Variants in SMG6 observed in about 807,000 individuals in gnomAD.
SMG6 encodes the protein SMG6 nonsense mediated mRNA decay factor.
A neutral mutation model predicts 142.2 loss-of-function variants in SMG6; 66 were observed. That is an observed-to-expected ratio of 0.46 (90% CI 0.38 to 0.57). The LOEUF is 0.57. Ranked by LOEUF, SMG6 falls within the 20% of genes least tolerant of loss-of-function variation. The pLI is 0.00. For synonymous variants in SMG6, 779 were observed against 702.4 expected (o/e 1.11, Z -1.72); for missense variants, 1,793 against 1,832.0 (o/e 0.98, Z 0.39).
chr17:2,111,826 C>T (rs2069330522), intron 13 of SMG6, among the ~76,000 whole-genome samples: 1 of 152,150 alleles, frequency 6.6e-6, no homozygotes, highest in Non-Finnish European at 1.5e-5. Context: ...CCAGCTCAGC[C>T]TGGTGAGAGG....
intron 13 of SMG6, among the ~76,000 whole-genome samples, chr17:2,124,901 G>C (rs1199016602): frequency 2.6e-5 from 4 of 152,204 alleles, no homozygotes; most frequent in Non-Finnish European, 5.9e-5. Context: ...GCACAACCAT[G>C]ATTGGCACCG....
chr17:2,253,028 A>C (rs1008137040), intron 8 of SMG6, among the ~76,000 whole-genome samples: 14 of 152,258 alleles, frequency 9.2e-5, no homozygotes, highest in African/African-American at 3.4e-4. Context: ...TCATTTGTTT[A>C]CATATTGTCA....
intron 6 of SMG6, among the ~76,000 whole-genome samples, chr17:2,287,868 C>T (rs1356500119): frequency 1.3e-5 from 2 of 152,102 alleles, no homozygotes; most frequent in Non-Finnish European, 2.9e-5. Context: ...TGACAGAAAG[C>T]AGAAGGTTAG....
chr17:2,206,226 A>G (rs1316764966), intron 10 of SMG6, among the ~76,000 whole-genome samples: 1 of 152,150 alleles, frequency 6.6e-6, no homozygotes, highest in East Asian at 1.9e-4. Context: ...ATAAAATTCT[A>G]AAAATATTTT....
At chr17:2,144,160 GTGATTCTCCTGCC>G (rs2070586098) in intron 13 of SMG6, among the ~76,000 whole-genome samples, 1 of 147,004 alleles carries the variant, frequency 6.8e-6, no homozygotes, top group South Asian at 2.2e-4. Flanking sequence ...CCGGGTTCAA[GTGATTCTCCTGCC>G]TCAGGCTCCA....
At chr17:2,276,322 C>G (rs939336785) in intron 8 of SMG6, among the ~76,000 whole-genome samples, 1 of 152,154 alleles carries the variant, frequency 6.6e-6, no homozygotes, top group Non-Finnish European at 1.5e-5. Flanking sequence ...TCTACAGCTA[C>G]CCCAGTTCAC....
At chr17:2,275,699 A>G (rs2074633750) in intron 8 of SMG6, among the ~76,000 whole-genome samples, 1 of 152,210 alleles carries the variant, frequency 6.6e-6, no homozygotes, top group Non-Finnish European at 1.5e-5. Context: ...AAGGGAGACG[A>G]AGAACAGCAG....
intron 13 of SMG6, among the ~76,000 whole-genome samples, chr17:2,097,427 C>T (rs921451886): frequency 2.0e-5 from 3 of 152,154 alleles, no homozygotes; most frequent in African/African-American, 4.8e-5. Flanking sequence ...TGAGTCACCA[C>T]GTCCAGCCAA....
At position 2,299,987 on chromosome 17, in the gene SMG6, T is replaced by TGCGGTA. The variant is rs780215117; in HGVS notation, c.760_765dup (p.Tyr254_Arg255dup). 2.5e-6 allele frequency: 4 copies of TGCGGTA among 1,613,988 alleles called. No individual in the cohort carries two copies. Among genetic ancestry groups the TGCGGTA allele is most frequent in the Admixed American group, 1.7e-5 (1 of 60,002 alleles). ...CTGCCAGCTGAGCTGGTGCTGCGCG[T>TGCGGTA]GCGGTAGCGATTCCTTCGTTTGTCT... is the stretch of plus-strand genomic sequence containing the variant. On this transcript the variant is annotated inframe_insertion, in exon 2 of 19. Transcript: ENST00000263073. The surrounding 1 kb of genome is among the most constrained non-coding windows in gnomAD (Gnocchi z 4.3).
chr17:2,272,693 C>A (rs909483412), intron 8 of SMG6, among the ~76,000 whole-genome samples: 3 of 151,872 alleles, frequency 2.0e-5, no homozygotes, highest in Non-Finnish European at 2.9e-5. Flanking sequence ...AATCCCAGAA[C>A]TTTGGGAGGC....
At chr17:2,207,050 T>C (rs1162424345) in intron 10 of SMG6, among the ~76,000 whole-genome samples, 10 of 144,026 alleles carry the variant, frequency 6.9e-5, no homozygotes, top group African/African-American at 2.6e-4. Flanking sequence ...GGCAGGCAGA[T>C]CACTTGAGGC....
intron 6 of SMG6, among the ~76,000 whole-genome samples, chr17:2,289,785 C>T (rs1373463331): frequency 2.6e-5 from 4 of 151,622 alleles, no homozygotes; most frequent in Admixed American, 6.6e-5. Flanking sequence ...TGGTGGTGTG[C>T]ACCTGTAATC....
At chr17:2,212,465 G>A (rs1567687278) in intron 10 of SMG6, 1 of 152,150 alleles carries the variant, frequency 6.6e-6, no homozygotes, top group Admixed American at 6.5e-5. Flanking sequence ...CAGTGCTGCT[G>A]GCCCAGTGGC....
At chr17:2,225,410 C>T (rs1206783065) in intron 10 of SMG6, among the ~76,000 whole-genome samples, 1 of 151,418 alleles carries the variant, frequency 6.6e-6, no homozygotes, top group African/African-American at 2.4e-5. Flanking sequence ...GGCTGAGGTA[C>T]AAAAACTGCT....
intron 10 of SMG6, among the ~76,000 whole-genome samples, chr17:2,218,167 T>C (rs1416597743): frequency 6.6e-6 from 1 of 152,130 alleles, no homozygotes; most frequent in Non-Finnish European, 1.5e-5. Flanking sequence ...GAAGGTTTAA[T>C]CCAAGAGCTT....
At chr17:2,198,187 G>GT (rs955849483) in intron 10 of SMG6, among the ~76,000 whole-genome samples, 1 of 152,222 alleles carries the variant, frequency 6.6e-6, no homozygotes, top group Non-Finnish European at 1.5e-5. Context: ...AATACGTGCA[G>GT]TGAGTTGGAC....
chr17:2,268,897 G>A (rs1196357985), intron 8 of SMG6, among the ~76,000 whole-genome samples: 2 of 140,976 alleles, frequency 1.4e-5, no homozygotes, highest in African/African-American at 5.3e-5. Context: ...GGGCGACAGA[G>A]TTAGACTTCG....
At chr17:2,093,649 G>A (rs2068782780) in intron 13 of SMG6, among the ~76,000 whole-genome samples, 1 of 152,122 alleles carries the variant, frequency 6.6e-6, no homozygotes, top group Non-Finnish European at 1.5e-5. Flanking sequence ...CAAGGGGAGA[G>A]GCCCTGGAAT....
At chr17:2,181,171 A>G (rs1041128321) in intron 12 of SMG6, among the ~76,000 whole-genome samples, 1 of 152,252 alleles carries the variant, frequency 6.6e-6, no homozygotes, top group South Asian at 2.1e-4. Flanking sequence ...TACCTTTGCC[A>G]ATCTCTCAAC....
Sources: allele counts gnomAD v4.1 joint callset (sites outside exome capture counted in the v4.1 genomes callset), GRCh38; gene constraint gnomAD v4.1.1; non-coding constraint Gnocchi (gnomAD v3.1); transcripts MANE v1.5; gene names NCBI Gene and HGNC (gene_info 2026-07-23, HGNC 2026-07-21).